Variants in RSBN1 observed in about 807,000 individuals in gnomAD.
RSBN1 encodes lysine-specific demethylase 9.
A neutral mutation model predicts 74.8 loss-of-function variants in RSBN1; 23 were observed. The observed-to-expected ratio is 0.31, with a 90% CI of 0.22 to 0.44. The LOEUF is 0.44. Ranked by LOEUF, RSBN1 falls within the 20% of genes least tolerant of loss-of-function variation. RSBN1 has a pLI of 1.00. For synonymous variants in RSBN1, 407 were observed against 379.6 expected (o/e 1.07, Z -0.84); for missense variants, 808 against 1,020.9 (o/e 0.79, Z 2.84).
intron 1 of RSBN1, among the ~76,000 whole-genome samples, chr1:113,803,749 T>C (rs559125287): frequency 6.6e-6 from 1 of 151,950 alleles, no homozygotes; most frequent in African/African-American, 2.4e-5. Context: ...AGCTCTATTG[T>C]TTACTAAGGT....
In RSBN1 at chr1:113,797,761, A is replaced by G; in HGVS notation, c.979T>C (p.Tyr327His). 1 of 1,614,100 alleles carries G rather than the reference A, an allele frequency of 6.2e-7. No homozygotes were observed. Among genetic ancestry groups the G allele is most frequent in the Non-Finnish European group, 8.5e-7 (1 of 1,179,984 alleles). The change falls in exon 2 of 7, where the codon TAT (tyrosine) becomes CAT (histidine). Residue 327 changes from tyrosine (Y) to histidine (H), a missense_variant. This residue lies in a region of RSBN1 where 85 missense variants were observed against 126.2 expected (regional missense o/e 0.67). Transcript: ENST00000261441. The stretch of plus-strand genomic sequence containing the variant: ...GTTTGTACTCCCTGGGGTACCCGAT[A>G]TTCTTGCATACCCAAATTTAATCGG... ...LCRLNLGMQE[Y>H]RVPQGVQTPF... is the part of the protein sequence containing the mutation.
chr1:113,782,316 TC>T (rs1660155682), intron 2 of RSBN1, among the ~76,000 whole-genome samples: 1 of 152,000 alleles, frequency 6.6e-6, no homozygotes, highest in South Asian at 2.1e-4. Flanking sequence ...TATAACTAGA[TC>T]AAAAAAGGTA....
chr1:113,778,520 G>C (rs1017446831), intron 2 of RSBN1, among the ~76,000 whole-genome samples: 1 of 151,904 alleles, frequency 6.6e-6, no homozygotes, highest in African/African-American at 2.4e-5. Context: ...GGCTGGTCTT[G>C]AACTCCTGAC....
chr1:113,810,990 G>A (rs1040329184), intron 1 of RSBN1, among the ~76,000 whole-genome samples: 1 of 152,138 alleles, frequency 6.6e-6, no homozygotes, highest in Non-Finnish European at 1.5e-5. Context: ...GGAATTAACA[G>A]ATCCACAAAG....
intron 1 of RSBN1, among the ~76,000 whole-genome samples, chr1:113,803,588 A>G (rs1285384076): frequency 6.6e-6 from 1 of 152,212 alleles, no homozygotes; most frequent in Non-Finnish European, 1.5e-5. Flanking sequence ...ACGCATGTGA[A>G]GTACTTATAA....
chr1:113,803,403 G>C (rs1279134558), intron 1 of RSBN1, among the ~76,000 whole-genome samples: 1 of 152,138 alleles, frequency 6.6e-6, no homozygotes, highest in Non-Finnish European at 1.5e-5. Flanking sequence ...GTTTAGTTTT[G>C]TTAAGAAACT....
intron 1 of RSBN1, among the ~76,000 whole-genome samples, chr1:113,802,299 T>C (rs1004571995): frequency 6.7e-6 from 1 of 149,372 alleles, no homozygotes; most frequent in Admixed American, 6.7e-5. Flanking sequence ...ACTCTAATTA[T>C]GGCTTAGAAG....
At chr1:113,798,701 A>C (rs1660521382) in intron 1 of RSBN1, among the ~76,000 whole-genome samples, 2 of 152,236 alleles carry the variant, frequency 1.3e-5, no homozygotes, top group South Asian at 2.1e-4. Context: ...AAGTTATCTA[A>C]GAAAATAATT....
Position 113,812,179 on chromosome 1 carries a change from A to G in RSBN1, c.234T>C (p.Ala78=), listed in dbSNP as rs754177393. The G allele has an allele frequency of 6.8e-6, 11 of 1,608,764 alleles. No homozygotes were observed. Among genetic ancestry groups the G allele is most frequent in the Middle Eastern group, 3.3e-4 (2 of 6,060 alleles). The change falls in exon 1 of 7, where the codon GCT becomes GCC. Residue 78 remains alanine, a synonymous_variant. Transcript: ENST00000261441. ...GTTTAACTCCCCGCGGGGAGACCCCAGCATGAGGTTTCTCCTTCCCCTCTT... is the reference window on the plus strand; with the variant it reads ...GTTTAACTCCCCGCGGGGAGACCCCGGCATGAGGTTTCTCCTTCCCCTCTT... ...PDKEGKEKPH[A]GVSPRGVKRQ... is the part of the protein sequence containing the mutation.
intron 2 of RSBN1, among the ~76,000 whole-genome samples, chr1:113,784,643 G>A (rs1216996799): frequency 6.6e-6 from 1 of 152,162 alleles, no homozygotes; most frequent in Non-Finnish European, 1.5e-5. Flanking sequence ...AGAATCGAAT[G>A]CTGCAGGTTA....
intron 2 of RSBN1, among the ~76,000 whole-genome samples, chr1:113,785,125 C>CTT (rs34675721): frequency 6.7e-6 from 1 of 150,320 alleles, no homozygotes; most frequent in Non-Finnish European, 1.5e-5. Flanking sequence ...TACTTAAAAA[C>CTT]TTTTTTTTTT....
chr1:113,803,987 T>C (rs1660643608), intron 1 of RSBN1, among the ~76,000 whole-genome samples: 3 of 150,492 alleles, frequency 2.0e-5, no homozygotes, highest in African/African-American at 7.3e-5. Flanking sequence ...GGTGCATGCC[T>C]GTAGTCCTAG....
chr1:113,790,851 T>C (rs572190715), intron 2 of RSBN1, among the ~76,000 whole-genome samples: 84 of 152,308 alleles, frequency 5.5e-4, no homozygotes, highest in Non-Finnish European at 9.8e-4. Flanking sequence ...AAGGTACTTA[T>C]TTCATGCCTC....
chr1:113,795,701 T>C (rs543220773), intron 2 of RSBN1, among the ~76,000 whole-genome samples: 2 of 152,312 alleles, frequency 1.3e-5, no homozygotes, highest in South Asian at 4.1e-4. Flanking sequence ...AGGTAAGTTG[T>C]TGGTACAGTC....
intron 2 of RSBN1, among the ~76,000 whole-genome samples, chr1:113,785,303 T>A (rs1427184176): frequency 6.6e-6 from 1 of 152,224 alleles, no homozygotes; most frequent in Non-Finnish European, 1.5e-5. Context: ...TCTGCTATGA[T>A]AACAAAGCCT....
intron 4 of RSBN1, among the ~76,000 whole-genome samples, chr1:113,771,598 C>T (rs1287838217): frequency 2.0e-5 from 3 of 149,444 alleles, no homozygotes; most frequent in South Asian, 4.2e-4. Context: ...ACTACCAACA[C>T]CAATGTCCTC....
intron 1 of RSBN1, among the ~76,000 whole-genome samples, chr1:113,799,089 A>G (rs904886898): frequency 6.6e-6 from 1 of 152,172 alleles, no homozygotes; most frequent in Non-Finnish European, 1.5e-5. Flanking sequence ...TTCTCTCCTG[A>G]GCACTTAACA....
intron 5 of RSBN1, chr1:113,767,981 G>A (rs571213659): frequency 6.1e-6 from 2 of 330,260 alleles, no homozygotes; most frequent in African/African-American, 4.2e-5. Flanking sequence ...GAGTAAAAGA[G>A]GAATTGTTGT....
intron 5 of RSBN1, among the ~76,000 whole-genome samples, chr1:113,767,547 G>GTGGAC (rs1480482721): frequency 1.3e-5 from 2 of 152,282 alleles, no homozygotes; most frequent in East Asian, 3.9e-4. Context: ...TTTAGCCACT[G>GTGGAC]TGGACAACAG....
Sources: allele counts gnomAD v4.1 joint callset (sites outside exome capture counted in the v4.1 genomes callset), GRCh38; gene constraint gnomAD v4.1.1; regional missense constraint gnomAD v4.1.1; transcripts MANE v1.5; gene names NCBI Gene and HGNC (gene_info 2026-07-23, HGNC 2026-07-21).